Variants in ATM observed in about 807,000 individuals in gnomAD.
ATM encodes ATM serine/threonine kinase.
ATM carries 308 observed loss-of-function variants against 387.0 expected under a neutral mutation model. The ratio of observed to expected loss-of-function variants is 0.80; its 90% confidence interval spans 0.73 to 0.87. The LOEUF is 0.87. ATM is among the 40% of genes least tolerant of loss of function. ATM has a pLI of 0.00. For missense variants in ATM, 3,312 were observed against 3,560.9 expected, an observed-to-expected ratio of 0.93 and a Z score of 1.78; for synonymous variants, 1,156 against 1,187.3, an observed-to-expected ratio of 0.97 and a Z score of 0.54.
rs749105426 is a variant in ATM, at chr11:108,268,803, A to G, written c.2838+194A>G. 1.3e-3 allele frequency among the ~76,000 whole-genome samples: 194 copies of G among 152,362 alleles called. No homozygotes were observed. The highest frequency in any genetic ancestry group is 1.7e-3 in the Non-Finnish European group (117 of 68,042). On this transcript the variant is annotated intron_variant, in intron 18 of 62. Coordinates refer to ENST00000675843, the MANE Select transcript of ATM (RefSeq NM_000051.4). The stretch of plus-strand genomic sequence containing the variant: ...AAATTTAAGTGGATGCTGAAATATT[A>G]AAACTTAGATGGGTTTTGGATAGAT...
chr11:108,355,660 T>C (rs2089817276), intron 61 of ATM: 1 of 152,272 alleles, frequency 6.6e-6, no homozygotes, highest in African/African-American at 2.4e-5. Context: ...TGGCTGCATG[T>C]TAGTATTACT....
At chr11:108,342,753 T>C (rs573625661) in intron 56 of ATM, among the ~76,000 whole-genome samples, 1 of 152,196 alleles carries the variant, frequency 6.6e-6, no homozygotes, top group South Asian at 2.1e-4. Flanking sequence ...ATTTTCTCTC[T>C]GTGAAGATAA....
At chr11:108,240,444 CATT>C (rs964146912) in intron 5 of ATM, among the ~76,000 whole-genome samples, 2 of 152,124 alleles carry the variant, frequency 1.3e-5, no homozygotes, top group Non-Finnish European at 2.9e-5. Flanking sequence ...AGAAATACAT[CATT>C]AGGCAATTTC....
chr11:108,298,578 T>C (rs759847280), intron 33 of ATM, among the ~76,000 whole-genome samples: 1 of 152,198 alleles, frequency 6.6e-6, no homozygotes, highest in Non-Finnish European at 1.5e-5. Context: ...CTTTCCTGTG[T>C]AGCATAAAAT....
At chr11:108,327,250 C>G (rs577539763) in intron 47 of ATM, 82 of 251,980 alleles carry the variant, frequency 3.3e-4, no homozygotes, top group Non-Finnish European at 5.3e-4. Context: ...AGTATTGGCC[C>G]TGAAGTATGT....
At chr11:108,284,606 A>C (rs142220799) in intron 26 of ATM, 133 bp downstream of exon 26, 1 of 1,232,732 alleles carries the variant, frequency 8.1e-7, no homozygotes, top group Non-Finnish European at 1.1e-6. Flanking sequence ...ATTATCTAGC[A>C]TAGCCAACCC....
At chr11:108,227,497 G>C in intron 1 of ATM, 98 bp from the exon 2 acceptor site, 1 of 762,906 alleles carries the variant, frequency 1.3e-6, no homozygotes, top group Non-Finnish European at 2.2e-6. Flanking sequence ...AAATACTGCA[G>C]TATAAAATAA....
rs896045798 is a variant in ATM at position 108,247,207 on chromosome 11, C to T, written c.1065+80C>T. 6.5e-6 allele frequency: 9 copies of T among 1,393,424 alleles called. No homozygotes were observed. The Admixed American group carries it at 1.2e-4, about 19-fold the overall frequency. 86.3% of individuals were successfully genotyped at this position (1,393,424 alleles called of 1,614,324 possible). On this transcript the variant is annotated intron_variant, in intron 8 of 62. Coordinates refer to ENST00000675843, the MANE Select transcript of ATM (RefSeq NM_000051.4). ...AACTGGGCATTTTGGGCTTTTAAAA[C>T]CTGTGTTCTCACAAAAAGCCTATAA...
chr11:108,243,932 T>A, intron 5 of ATM, 21 bp from the exon 6 acceptor site: 2 of 1,496,872 alleles, frequency 1.3e-6, no homozygotes, highest in South Asian at 1.3e-5. Flanking sequence ...TCATGACTAA[T>A]AATTTTTTTT....
At chr11:108,286,696 G>A (rs1247998175) in intron 26 of ATM, among the ~76,000 whole-genome samples, 2 of 152,096 alleles carry the variant, frequency 1.3e-5, no homozygotes, top group Non-Finnish European at 2.9e-5. Context: ...TTTTCCTTTT[G>A]ATTTCGTTCT....
chr11:108,258,902 A>G, intron 15 of ATM, 84 bp from the exon 16 acceptor site: 1 of 1,105,306 alleles, frequency 9.0e-7, no homozygotes, highest in Non-Finnish European at 1.4e-6. Context: ...TCTACATTCC[A>G]TTCAAGATAG....
chr11:108,298,625 C>T (rs897201764), intron 33 of ATM, among the ~76,000 whole-genome samples: 5 of 152,176 alleles, frequency 3.3e-5, no homozygotes, highest in African/African-American at 1.2e-4. Flanking sequence ...CCCCTAAGAT[C>T]AGGAATGAGA....
intron 11 of ATM, among the ~76,000 whole-genome samples, 157 bp from the exon 12 acceptor site, chr11:108,252,660 T>C (rs1327671876): frequency 6.6e-6 from 1 of 152,222 alleles, no homozygotes; most frequent in Non-Finnish European, 1.5e-5. Flanking sequence ...AATTGTCCTT[T>C]TAGATATTAA....
chr11:108,260,348 G>A (rs1174254080), intron 16 of ATM, among the ~76,000 whole-genome samples: 1 of 152,158 alleles, frequency 6.6e-6, no homozygotes, highest in East Asian at 1.9e-4. Context: ...AAGCCCATCT[G>A]CTCTTAATTA....
rs1249872068 is a variant in ATM at position 108,248,896 on chromosome 11, A to G, written c.1066-37A>G. 2.6e-6 allele frequency: 4 copies of G among 1,560,424 alleles called. No homozygotes were observed. The East Asian group carries it at 6.9e-5, about 27-fold the overall frequency. Reference sequence around the variant, plus strand: ...ACAGCGAAACTCTGGCTCAAAAAAAAAAAAAAGAAAAAAGTGGATTTATTT... The same window carrying G: ...ACAGCGAAACTCTGGCTCAAAAAAAGAAAAAAGAAAAAAGTGGATTTATTT... On this transcript the variant is annotated intron_variant, in intron 8 of 62. Coordinates refer to ENST00000675843, the MANE Select transcript of ATM (RefSeq NM_000051.4).
At chr11:108,335,745 G>A (rs928733045) in intron 55 of ATM, 100 bp from the exon 56 acceptor site, 3 of 824,428 alleles carry the variant, frequency 3.6e-6, no homozygotes, top group African/African-American at 3.4e-5. Context: ...GTGCACAGAT[G>A]CTCAGATTGG....
chr11:108,247,215 C>A (rs2135271846), intron 8 of ATM, 88 bp downstream of exon 8: 1 of 1,328,432 alleles, frequency 7.5e-7, no homozygotes, highest in Non-Finnish European at 1.1e-6. Flanking sequence ...AACCTGTGTT[C>A]TCACAAAAAG....
intron 61 of ATM, among the ~76,000 whole-genome samples, chr11:108,364,691 C>T (rs2091150404): frequency 1.3e-5 from 2 of 152,110 alleles, no homozygotes; most frequent in South Asian, 2.1e-4. Context: ...CTCTCCAGTT[C>T]CCACATCCCA....
intron 53 of ATM, 56 bp from the exon 54 acceptor site, chr11:108,333,830 G>T: frequency 7.4e-7 from 1 of 1,356,136 alleles, no homozygotes; most frequent in South Asian, 1.2e-5. Context: ...ATTCCTGCTT[G>T]ACCTTCAATG....
Sources: allele counts gnomAD v4.1 joint callset (sites outside exome capture counted in the v4.1 genomes callset), GRCh38; gene constraint gnomAD v4.1.1; transcripts MANE v1.5; gene names NCBI Gene and HGNC (gene_info 2026-07-23, HGNC 2026-07-21).